Variants in ADAMTS15 observed in about 807,000 individuals in gnomAD.
ADAMTS15 encodes A disintegrin and metalloproteinase with thrombospondin motifs 15.
Under a neutral mutation model 79.1 loss-of-function variants are expected in ADAMTS15, and 35 were observed. That is an observed-to-expected ratio of 0.44 (90% CI 0.34 to 0.59). ADAMTS15 has a LOEUF of 0.59. Among genes scored for constraint, ADAMTS15 ranks in the 20% least tolerant of loss-of-function variants. ADAMTS15 has a pLI of 0.02. For synonymous variants in ADAMTS15, 616 were observed against 567.3 expected, an observed-to-expected ratio of 1.09 and a Z score of -1.22; for missense variants, 1,324 against 1,318.7, an observed-to-expected ratio of 1.00 and a Z score of -0.06.
At chr11:130,468,433 C>T (rs1740126457) in intron 4 of ADAMTS15, among the ~76,000 whole-genome samples, 1 of 151,568 alleles carries the variant, frequency 6.6e-6, no homozygotes, top group Admixed American at 6.6e-5. Flanking sequence ...GAGTTTGAGA[C>T]CAGCCTGGCC....
At position 130,471,199 on chromosome 11, in the gene ADAMTS15, G is replaced by T; in HGVS notation, c.1903-9G>T. On this transcript the variant is annotated splice_polypyrimidine_tract_variant and intron_variant, in intron 6 of 7. Transcript: ENST00000299164. ...TCTTCCTTCTTTTTCCCCTTCTGGG[G>T]TGCTGCAGGTGGTGGACGGCACGCT... 3 of 1,591,448 alleles carry T rather than the reference G, an allele frequency of 1.9e-6. No homozygotes were observed. Among genetic ancestry groups the T allele is most frequent in the Non-Finnish European group, 2.6e-6 (3 of 1,167,976 alleles).
At chr11:130,456,370 C>T (rs1180632855) in intron 1 of ADAMTS15, among the ~76,000 whole-genome samples, 1 of 152,270 alleles carries the variant, frequency 6.6e-6, no homozygotes, top group South Asian at 2.1e-4. Context: ...TGACCTCACT[C>T]TCTTGCAGTA....
In ADAMTS15 at chr11:130,470,933, C is replaced by T. The variant is rs1362122699; in HGVS notation, c.1734C>T (p.Ser578=). Residue 578 remains serine, a synonymous_variant, in exon 6 of 8, where the codon AGC becomes AGT. Coordinates refer to ENST00000299164, the MANE Select transcript of ADAMTS15 (RefSeq NM_139055.4). ...CTCCCTCCCTAGCCTCCGGAAAGAG[C>T]TTCCGGGAGGAGCAGTGTGAGGCTT... ...EPCPSSASGK[S]FREEQCEAFN... 1 of 1,613,370 alleles carries T rather than the reference C, an allele frequency of 6.2e-7. No homozygotes were observed. The highest frequency in any genetic ancestry group is 8.5e-7 in the Non-Finnish European group (1 of 1,179,840).
intron 1 of ADAMTS15, among the ~76,000 whole-genome samples, chr11:130,455,835 G>A (rs1477278593): frequency 6.6e-6 from 1 of 152,172 alleles, no homozygotes; most frequent in Non-Finnish European, 1.5e-5. Context: ...GAGAGGTGGC[G>A]CAGACGGTGC....
intron 1 of ADAMTS15, among the ~76,000 whole-genome samples, chr11:130,456,379 T>G (rs139856890): frequency 6.6e-6 from 1 of 152,318 alleles, no homozygotes; most frequent in East Asian, 1.9e-4. Flanking sequence ...TCTCTTGCAG[T>G]ATTACCATTT....
At position 130,470,902 on chromosome 11, in the gene ADAMTS15, A is replaced by C. The variant is rs201640202; in HGVS notation, c.1721-18A>C. The C allele has an allele frequency of 7.4e-4, 1,191 of 1,607,694 alleles. 4 individuals are homozygous for C. The highest frequency in any genetic ancestry group is 5.9e-4 in the Non-Finnish European group (694 of 1,177,000). On this transcript the variant is annotated intron_variant, in intron 5 of 7. Transcript: ENST00000299164. The stretch of plus-strand genomic sequence containing the variant: ...GTCCCTTCCCCTCAACTTCTTTCTT[A>C]TGCTTCTCCCTCCCTAGCCTCCGGA...
In ADAMTS15 at chr11:130,449,968, C is replaced by A; in HGVS notation, c.957+38C>A. The A allele has an allele frequency of 1.9e-6, 3 of 1,584,886 alleles. No homozygotes were observed. The highest frequency in any genetic ancestry group is 2.6e-6 in the Non-Finnish European group (3 of 1,170,072). ...GCCGTCACTTTGCACCCAGATAGTCCCGTTCTTTAGGGTCACCTCCCCTAG... is the reference window on the plus strand; with the variant it reads ...GCCGTCACTTTGCACCCAGATAGTCACGTTCTTTAGGGTCACCTCCCCTAG... On this transcript the variant is annotated intron_variant, in intron 1 of 7. Transcript: ENST00000299164. This position sits in a 1 kb window ranked among gnomAD's most constrained non-coding sequence, Gnocchi z 7.8.
intron 2 of ADAMTS15, 49 bp downstream of exon 2, chr11:130,461,670 G>T: frequency 6.2e-7 from 1 of 1,608,852 alleles, no homozygotes; most frequent in Non-Finnish European, 8.5e-7. Context: ...TGCCTGGGGA[G>T]CCTGGAGGGT....
Position 130,461,510 on chromosome 11 carries a change from T to C in ADAMTS15, c.979T>C (p.Cys327Arg). Residue 327 changes from cysteine to arginine, a missense_variant, in exon 2 of 8, where the codon TGT (cysteine) becomes CGT (arginine). By Grantham distance (180) the Cys-to-Arg change is radical. Coordinates refer to ENST00000299164, the MANE Select transcript of ADAMTS15 (RefSeq NM_139055.4). ...GCAGGACCTGTGTGGAGCCACCACC[T>C]GTGACACCCTGGGCATGGCTGATGT... Reference protein sequence around the residue: ...TRQDLCGATTCDTLGMADVGT... With the variant: ...TRQDLCGATTRDTLGMADVGT... The C allele has an allele frequency of 6.2e-7, 1 of 1,614,146 alleles. No homozygotes were observed. Among genetic ancestry groups the C allele is most frequent in the Non-Finnish European group, 8.5e-7 (1 of 1,180,028 alleles).
intron 4 of ADAMTS15, among the ~76,000 whole-genome samples, chr11:130,463,119 T>G (rs1316128109): frequency 1.3e-5 from 2 of 152,154 alleles, no homozygotes; most frequent in Non-Finnish European, 2.9e-5. Flanking sequence ...GAACACATAG[T>G]GTCAGGAGCG....
Position 130,472,884 on chromosome 11 carries a change from C to G in ADAMTS15, c.2079-163C>G, listed in dbSNP as rs920973120. ...GAGAAGTTCAGCAGCTTTCCAGCAC[C>G]AATCGCCAAGGGGCAGGGACCTCTC... On this transcript the variant is annotated intron_variant, in intron 7 of 7. Transcript: ENST00000299164. This position sits in a 1 kb window ranked among gnomAD's most constrained non-coding sequence, Gnocchi z 4.7. Among the ~76,000 whole-genome samples the G allele has an allele frequency of 5.3e-5, 8 of 152,238 alleles. No individual in the cohort carries two copies. The highest frequency in any genetic ancestry group is 1.0e-4 in the Non-Finnish European group (7 of 68,040).
chr11:130,471,343 A>G lies in ADAMTS15; in HGVS notation c.2038A>G (p.Lys680Glu), dbSNP rs1168562188. ...DKCGVCGGDN[K>E]SCKKVTGLFT... ...GTGTGGGGTGTGTGGGGGAGACAAT[A>G]AGAGCTGCAAGAAGGTGACTGGACT... Residue 680 changes from lysine to glutamate, a missense_variant, in exon 7 of 8, where the codon AAG (lysine) becomes GAG (glutamate). Coordinates refer to ENST00000299164, the MANE Select transcript of ADAMTS15 (RefSeq NM_139055.4). 24 of 1,611,214 alleles carry G rather than the reference A, an allele frequency of 1.5e-5. No homozygotes were observed. The highest frequency in any genetic ancestry group is 1.9e-5 in the Non-Finnish European group (22 of 1,179,440).
At chr11:130,458,579 G>C (rs937632913) in intron 1 of ADAMTS15, among the ~76,000 whole-genome samples, 4 of 152,244 alleles carry the variant, frequency 2.6e-5, no homozygotes, top group African/African-American at 7.2e-5. Flanking sequence ...AAGGAGCAGA[G>C]GCTGAAAGCA....
intron 4 of ADAMTS15, among the ~76,000 whole-genome samples, chr11:130,463,267 T>A (rs1221930041): frequency 6.6e-6 from 1 of 152,250 alleles, no homozygotes; most frequent in African/African-American, 2.4e-5. Flanking sequence ...CTTCGGGAAT[T>A]GGCTGCATTC....
At chr11:130,470,170 ATATATATATATG>A (rs1378403682) in intron 5 of ADAMTS15, among the ~76,000 whole-genome samples, 8 of 58,156 alleles carry the variant, frequency 1.4e-4, no homozygotes, top group East Asian at 3.6e-4. Context: ...ATATATATAT[ATATATATATATG>A]TGTGTATATA....
Position 130,462,598 on chromosome 11 carries a change from G to C in ADAMTS15, c.1360G>C (p.Val454Leu), listed in dbSNP as rs535808287. 8 of 1,613,658 alleles carry C rather than the reference G, an allele frequency of 5.0e-6. No homozygotes were observed. Among genetic ancestry groups the C allele is most frequent in the Middle Eastern group, 1.6e-4 (1 of 6,084 alleles). The change falls in exon 4 of 8, where the codon GTG (valine) becomes CTG (leucine). Residue 454 changes from valine to leucine, a missense_variant. Transcript: ENST00000299164. This position sits in a 1 kb window ranked among gnomAD's most constrained non-coding sequence, Gnocchi z 4.3. ...CCAGCAGTGCGAGCTGGCTTTTGGCGTGGGCTCCAAGCCCTGTCCTTACAT... is the reference window on the plus strand; with the variant it reads ...CCAGCAGTGCGAGCTGGCTTTTGGCCTGGGCTCCAAGCCCTGTCCTTACAT... ...LSQQCELAFG[V>L]GSKPCPYMQY...
In ADAMTS15 at chr11:130,449,418, C is replaced by G. The variant is rs752098526; in HGVS notation, c.445C>G (p.Arg149Gly). The change falls in exon 1 of 8, where the codon CGC (arginine) becomes GGC (glycine). Residue 149 changes from arginine to glycine, a missense_variant. Physicochemically the swap from Arg to Gly is moderately radical, Grantham distance 125 (BLOSUM62 -2). Transcript: ENST00000299164. The surrounding 1 kb of genome is among the most constrained non-coding windows in gnomAD (Gnocchi z 7.8). ...CAATGCTAGCGCGCCGGCGGCGCAG[C>G]GCAACAGCCAGGGCGCACACCTTCT... ...LPNASAPAAQ[R>G]NSQGAHLLQR... 1 of 1,596,752 alleles carries G rather than the reference C, an allele frequency of 6.3e-7. No homozygotes were observed. Among genetic ancestry groups the G allele is most frequent in the Non-Finnish European group, 8.5e-7 (1 of 1,176,504 alleles).
In ADAMTS15 at chr11:130,474,001, G is replaced by C; in HGVS notation, c.*180G>C. Reference sequence around the variant, plus strand: ...CCTCCTCCTCCCTGGACTGGGCAGAGGGAAGCCCAGGAACTCCCGCACAGT... The same window carrying C: ...CCTCCTCCTCCCTGGACTGGGCAGACGGAAGCCCAGGAACTCCCGCACAGT... On this transcript the variant is annotated 3_prime_UTR_variant, in exon 8 of 8. Transcript: ENST00000299164. 2.3e-6 allele frequency: 2 copies of C among 873,206 alleles called. No homozygotes were observed. Among genetic ancestry groups the C allele is most frequent in the Non-Finnish European group, 3.4e-6 (2 of 589,538 alleles). 54.1% of individuals were successfully genotyped at this position (873,206 alleles called of 1,614,324 possible). A position where few individuals can be genotyped will look rare whatever the true frequency, so the allele number is the denominator to read the frequency against.
chr11:130,451,661 A>G (rs972893487), intron 1 of ADAMTS15, among the ~76,000 whole-genome samples: 4 of 152,176 alleles, frequency 2.6e-5, no homozygotes, highest in African/African-American at 9.6e-5. Context: ...GCCCCAGTGC[A>G]GGTCACTCAC....
Sources: allele counts gnomAD v4.1 joint callset (sites outside exome capture counted in the v4.1 genomes callset), GRCh38; gene constraint gnomAD v4.1.1; non-coding constraint Gnocchi (gnomAD v3.1); transcripts MANE v1.5; gene names NCBI Gene and HGNC (gene_info 2026-07-23, HGNC 2026-07-21).